The following HDAC9 variants were observed in gnomAD, a reference collection of about 807,000 sequenced individuals.
The protein encoded by HDAC9 is histone deacetylase 9.
A neutral mutation model predicts 139.4 loss-of-function variants in HDAC9; 41 were observed. The observed-to-expected ratio is 0.29, with a 90% CI of 0.23 to 0.38. The LOEUF is 0.38. Among genes scored for constraint, HDAC9 ranks in the 10% least tolerant of loss-of-function variants. The pLI is 1.00. For missense variants in HDAC9, 1,147 were observed against 1,297.0 expected (o/e 0.88, Z 1.78); for synonymous variants, 517 against 476.2 (o/e 1.09, Z -1.12).
intron 2 of HDAC9, among the ~76,000 whole-genome samples, chr7:18,165,081 A>G (rs1787910923): frequency 6.6e-6 from 1 of 152,174 alleles, no homozygotes; most frequent in African/African-American, 2.4e-5. Flanking sequence ...AGGACCAGAA[A>G]TTTATTTCCT....
chr7:18,909,029 T>C (rs1413758404), intron 22 of HDAC9, among the ~76,000 whole-genome samples: 1 of 152,026 alleles, frequency 6.6e-6, no homozygotes, highest in Non-Finnish European at 1.5e-5. Flanking sequence ...TAAGAGTTCA[T>C]TTTTCTCTAC....
At chr7:18,540,650 A>G (rs1812510582) in intron 2 of HDAC9, among the ~76,000 whole-genome samples, 1 of 152,224 alleles carries the variant, frequency 6.6e-6, no homozygotes, top group African/African-American at 2.4e-5. Context: ...AATTATGATG[A>G]CATAAGTTAA....
chr7:18,678,192 C>T (rs554708428), intron 12 of HDAC9, among the ~76,000 whole-genome samples: 8 of 151,860 alleles, frequency 5.3e-5, no homozygotes, highest in South Asian at 4.2e-4. Context: ...ATCTTGATTA[C>T]GGTTGCTATT....
intron 12 of HDAC9, among the ~76,000 whole-genome samples, chr7:18,677,109 T>C (rs1781568029): frequency 6.6e-6 from 1 of 151,850 alleles, no homozygotes; most frequent in Non-Finnish European, 1.5e-5. Context: ...AATTCCCTCC[T>C]GCCCTCTTTA....
intron 2 of HDAC9, among the ~76,000 whole-genome samples, chr7:18,539,097 T>A (rs1811872761): frequency 6.6e-6 from 1 of 152,204 alleles, no homozygotes; most frequent in Non-Finnish European, 1.5e-5. Context: ...TATCAACATA[T>A]GAATTTGGAG....
At position 18,435,534 on chromosome 7, in the gene HDAC9, T is replaced by C. The variant is rs571450276; in HGVS notation, c.-41-60728T>C. ...GTATTGGAAAACTTTGCTACTAGTATAGTGCAAATATTATTCATTTGACCC... is the reference window on the plus strand; with the variant it reads ...GTATTGGAAAACTTTGCTACTAGTACAGTGCAAATATTATTCATTTGACCC... On this transcript the variant is annotated intron_variant, in intron 1 of 3. Transcript: ENST00000413509. Among the ~76,000 whole-genome samples the C allele has an allele frequency of 4.6e-5, 7 of 152,298 alleles. No individual in the cohort carries two copies. In the East Asian group the frequency reaches 9.7e-4, roughly 21 times the overall value.
chr7:18,112,468 G>A (rs902707464), intron 1 of HDAC9, among the ~76,000 whole-genome samples: 3 of 152,180 alleles, frequency 2.0e-5, no homozygotes, highest in African/African-American at 7.2e-5. Context: ...ATTCAATAAA[G>A]AAGTTGCTCT....
intron 2 of HDAC9, among the ~76,000 whole-genome samples, chr7:18,253,190 T>A (rs1409431453): frequency 6.6e-6 from 1 of 152,236 alleles, no homozygotes; most frequent in Non-Finnish European, 1.5e-5. Context: ...TCTTTGCTGT[T>A]GTGAATACTA....
intron 2 of HDAC9, among the ~76,000 whole-genome samples, chr7:18,179,192 G>A (rs1789191000): frequency 6.6e-6 from 1 of 152,204 alleles, no homozygotes; most frequent in Non-Finnish European, 1.5e-5. Flanking sequence ...ACCACCTTGG[G>A]TAGGCTTTTG....
intron 17 of HDAC9, among the ~76,000 whole-genome samples, chr7:18,820,497 T>C (rs1794883185): frequency 6.6e-6 from 1 of 152,198 alleles, no homozygotes. Context: ...ATATTTTATG[T>C]GTTTTAAGAA....
At chr7:18,613,809 T>C (rs1322510091) in intron 6 of HDAC9, among the ~76,000 whole-genome samples, 1 of 152,114 alleles carries the variant, frequency 6.6e-6, no homozygotes, top group Non-Finnish European at 1.5e-5. Context: ...CTGAAATCTG[T>C]GCATTTTTCT....
intron 6 of HDAC9, among the ~76,000 whole-genome samples, chr7:18,595,786 T>A (rs1180599801): frequency 6.6e-6 from 1 of 152,014 alleles, no homozygotes; most frequent in Non-Finnish European, 1.5e-5. Flanking sequence ...TTTGGGAACA[T>A]TAAGCACCCA....
In HDAC9 at chr7:18,614,728, T is replaced by G. The variant is rs566117430; in HGVS notation, c.665-14622T>G. ...TTCTACCCATCATAAGTACAACATT[T>G]AAACCATCTGAAATAGAATAAACTG... On this transcript the variant is annotated intron_variant, in intron 6 of 25. Coordinates refer to ENST00000686413, the MANE Select transcript of HDAC9 (RefSeq NM_178425.4). Among the ~76,000 whole-genome samples, 4 of 152,308 alleles carry G rather than the reference T, an allele frequency of 2.6e-5. No homozygotes were observed. In the East Asian group the frequency reaches 7.7e-4, roughly 29 times the overall value.
At chr7:18,618,437 T>G (rs1348688433) in intron 6 of HDAC9, among the ~76,000 whole-genome samples, 1 of 151,982 alleles carries the variant, frequency 6.6e-6, no homozygotes, top group Non-Finnish European at 1.5e-5. Context: ...CAGGATATTA[T>G]CAGGGGATAG....
At chr7:18,922,083 T>TGGGGGGGGG (rs527469781) in intron 22 of HDAC9, among the ~76,000 whole-genome samples, 1 of 76,090 alleles carries the variant, frequency 1.3e-5, no homozygotes, top group Admixed American at 1.6e-4. Flanking sequence ...TGTTGTGGGG[T>TGGGGGGGGG]GGGGGGAGGG....
At chr7:18,421,351 A>G (rs1253358149) in intron 1 of HDAC9, among the ~76,000 whole-genome samples, 1 of 143,130 alleles carries the variant, frequency 7.0e-6, no homozygotes, top group Non-Finnish European at 1.5e-5. Flanking sequence ...AACAGAAAAA[A>G]GGAAGGAAGG....
At chr7:18,409,897 G>A (rs1030990057) in intron 1 of HDAC9, among the ~76,000 whole-genome samples, 1 of 152,180 alleles carries the variant, frequency 6.6e-6, no homozygotes, top group Non-Finnish European at 1.5e-5. Context: ...CAGGAGCATA[G>A]CTTGTTTTAG....
intron 1 of HDAC9, among the ~76,000 whole-genome samples, chr7:18,359,968 A>G (rs900519938): frequency 6.6e-6 from 1 of 152,142 alleles, no homozygotes; most frequent in Admixed American, 6.6e-5. Flanking sequence ...TTTCCTCTGC[A>G]GTTAGGGCTC....
intron 12 of HDAC9, among the ~76,000 whole-genome samples, chr7:18,670,893 G>T (rs921443261): frequency 2.6e-5 from 4 of 151,004 alleles, no homozygotes; most frequent in Non-Finnish European, 1.5e-5. Flanking sequence ...TCTAATGAGG[G>T]TTAGGGTTAG....
Sources: gnomAD v4.1 joint callset for allele counts (sites outside exome capture counted in the v4.1 genomes callset) on GRCh38, gnomAD v4.1.1 for gene constraint, MANE v1.5 for transcripts, NCBI Gene and HGNC (gene_info 2026-07-23, HGNC 2026-07-21) for gene names.